Variants in FRMPD4 observed in about 807,000 individuals in gnomAD.
FRMPD4 encodes FERM and PDZ domain containing 4.
In FRMPD4, 22 loss-of-function variants were observed where a neutral mutation model predicts 94.1. The observed-to-expected ratio is 0.23, with a 90% CI of 0.17 to 0.33. The LOEUF (loss-of-function observed/expected upper bound fraction) is 0.33, where lower values mean the gene tolerates loss of function less well. Ranked by LOEUF, FRMPD4 falls within the 10% of genes least tolerant of loss-of-function variation. The probability of loss-of-function intolerance (pLI) is 1.00; values close to 1 mark genes in which losing one functional copy is unlikely to be tolerated. For synonymous variants in FRMPD4, 631 were observed against 548.6 expected, an observed-to-expected ratio of 1.15 and a Z score of -2.10; for missense variants, 1,111 against 1,339.9, an observed-to-expected ratio of 0.83 and a Z score of 2.67.
At chrX:12,136,867 T>C (rs1252064158), upstream of FRMPD4, among the ~76,000 whole-genome samples, 1 of 104,757 alleles carries the variant, frequency 9.5e-6, no homozygotes, top group African/African-American at 3.5e-5. Flanking sequence ...ATCAGACAAG[T>C]AGCCTTATGT....
chrX:12,280,584 T>A (rs776954891), intron 1 of FRMPD4, among the ~76,000 whole-genome samples: 3 of 111,666 alleles, frequency 2.7e-5, no homozygotes, highest in African/African-American at 9.8e-5. Context: ...ATGATAGGCA[T>A]GAGGATGGGA....
intron 1 of FRMPD4, among the ~76,000 whole-genome samples, chrX:12,238,484 G>C (rs1471035612): frequency 1.8e-5 from 2 of 111,945 alleles, no homozygotes; most frequent in Non-Finnish European, 1.9e-5. Flanking sequence ...AGCAGTATAA[G>C]AGTAAATCTT....
chrX:12,167,675 A>G (rs1033020139), intron 1 of FRMPD4, among the ~76,000 whole-genome samples: 2 of 111,723 alleles, frequency 1.8e-5, no homozygotes, highest in Non-Finnish European at 3.8e-5. Context: ...AAATAATCCA[A>G]GGCACAGAGG....
chrX:11,951,862 C>T (rs993833131), intron 3 of FRMPD4, among the ~76,000 whole-genome samples: 3 of 111,140 alleles, frequency 2.7e-5, no homozygotes, highest in African/African-American at 3.3e-5. Flanking sequence ...GACAAAATCC[C>T]GTCTCTAACA....
At chrX:12,418,765 G>C (rs1488613475) in intron 1 of FRMPD4, among the ~76,000 whole-genome samples, 1 of 111,873 alleles carries the variant, frequency 8.9e-6, no homozygotes, top group Non-Finnish European at 1.9e-5. Flanking sequence ...ACATAATCAT[G>C]TAACTGAACT....
At chrX:12,277,909 A>T (rs770618344) in intron 1 of FRMPD4, among the ~76,000 whole-genome samples, 2 of 112,216 alleles carry the variant, frequency 1.8e-5, no homozygotes, top group Non-Finnish European at 3.8e-5. Context: ...CTTTTGACTA[A>T]GGTTTAAAAG....
chrX:12,071,890 A>C (rs1296014791), intron 3 of FRMPD4, among the ~76,000 whole-genome samples: 1 of 111,607 alleles, frequency 9.0e-6, no homozygotes, highest in Non-Finnish European at 1.9e-5. Flanking sequence ...TTCCATGAAC[A>C]CTTTCTGGCC....
intron 4 of FRMPD4, among the ~76,000 whole-genome samples, chrX:12,648,979 T>C (rs1279803486): frequency 1.8e-5 from 2 of 112,207 alleles, no homozygotes; most frequent in East Asian, 5.6e-4. Context: ...AGAGCTCTGA[T>C]AACTTGAACT....
At chrX:12,264,056 G>C (rs1005881312) in intron 1 of FRMPD4, among the ~76,000 whole-genome samples, 10 of 111,260 alleles carry the variant, frequency 9.0e-5, no homozygotes, top group Admixed American at 3.8e-4. Context: ...CGTGCTTTTG[G>C]GGGGGACACA....
chrX:11,846,729 T>C (rs2053579037), intron 1 of FRMPD4, among the ~76,000 whole-genome samples: 1 of 108,221 alleles, frequency 9.2e-6, no homozygotes, highest in Admixed American at 9.9e-5. Flanking sequence ...TAACGCCACA[T>C]ATCTACAACT....
intron 1 of FRMPD4, among the ~76,000 whole-genome samples, chrX:12,389,473 C>CAA (rs56111163): frequency 3.0e-4 from 28 of 92,112 alleles, no homozygotes; most frequent in South Asian, 5.3e-4. Flanking sequence ...AGATCCATCT[C>CAA]AAAAAAAAAA....
At chrX:12,132,724 G>T (rs946995869) in intron 3 of FRMPD4, among the ~76,000 whole-genome samples, 12 of 111,250 alleles carry the variant, frequency 1.1e-4, no homozygotes, top group Non-Finnish European at 2.1e-4. Context: ...GGAATGGTCA[G>T]CTGTGTCAAT....
At chrX:12,485,759 A>G (rs1475748783) in intron 1 of FRMPD4, among the ~76,000 whole-genome samples, 1 of 110,962 alleles carries the variant, frequency 9.0e-6, no homozygotes, top group Non-Finnish European at 1.9e-5. Flanking sequence ...AAATACAAAA[A>G]TTAGCCAGGC....
chrX:11,838,254 C>CAA (rs910331279), intron 1 of FRMPD4, among the ~76,000 whole-genome samples: 3 of 110,706 alleles, frequency 2.7e-5, no homozygotes, highest in Non-Finnish European at 5.7e-5. Flanking sequence ...TCCCCACCCA[C>CAA]AAAAAAACTG....
intron 3 of FRMPD4, among the ~76,000 whole-genome samples, chrX:12,067,510 C>A (rs948484646): frequency 2.7e-5 from 3 of 110,417 alleles, no homozygotes; most frequent in Non-Finnish European, 3.8e-5. Flanking sequence ...CTCTGCCTCC[C>A]AGGTTCATGT....
chrX:11,839,099 C>A (rs543466437), intron 1 of FRMPD4, among the ~76,000 whole-genome samples: 3 of 111,168 alleles, frequency 2.7e-5, no homozygotes, highest in Non-Finnish European at 5.7e-5. Context: ...ACATCCCCAT[C>A]GGTAGTATAT....
intron 2 of FRMPD4, among the ~76,000 whole-genome samples, chrX:12,540,246 C>T (rs1266605761): frequency 1.8e-5 from 2 of 111,437 alleles, no homozygotes; most frequent in Non-Finnish European, 3.8e-5. Flanking sequence ...ACAATATTAA[C>T]CTTAAATGTA....
At chrX:12,559,564 C>G (rs1267700436) in intron 2 of FRMPD4, among the ~76,000 whole-genome samples, 1 of 107,751 alleles carries the variant, frequency 9.3e-6, no homozygotes, top group Non-Finnish European at 1.9e-5. Context: ...GCAGGAGAAT[C>G]GCTTGAACCT....
intron 1 of FRMPD4, among the ~76,000 whole-genome samples, chrX:12,401,717 CATA>C (rs930956864): frequency 8.9e-6 from 1 of 111,911 alleles, no homozygotes; most frequent in South Asian, 3.8e-4. Context: ...ATTTCAGAGA[CATA>C]ATAATAATTT....
Sources: gnomAD v4.1 joint callset for allele counts (sites outside exome capture counted in the v4.1 genomes callset) on GRCh38, gnomAD v4.1.1 for gene constraint, MANE v1.5 for transcripts, NCBI Gene and HGNC (gene_info 2026-07-23, HGNC 2026-07-21) for gene names.